The following RNF123 variants were observed in gnomAD, a reference collection of about 807,000 sequenced individuals.
The protein encoded by RNF123 is E3 ubiquitin-protein ligase RNF123.
RNF123 carries 86 observed loss-of-function variants against 168.5 expected under a neutral mutation model. That is an observed-to-expected ratio of 0.51 (90% CI 0.43 to 0.61). The LOEUF is 0.61. Among genes scored for constraint, RNF123 ranks in the 20% least tolerant of loss-of-function variants. The pLI, the probability that RNF123 is intolerant of heterozygous loss-of-function variation, is 0.00. For synonymous variants in RNF123, 666 were observed against 689.1 expected, an observed-to-expected ratio of 0.97 and a Z score of 0.52; for missense variants, 1,419 against 1,729.7, an observed-to-expected ratio of 0.82 and a Z score of 3.19.
intron 35 of RNF123, chr3:49,719,493 G>A (rs2080339465): frequency 1.3e-6 from 2 of 1,558,580 alleles, no homozygotes; most frequent in Non-Finnish European, 1.7e-6. Flanking sequence ...ACAGTACAGA[G>A]CAGCTCTGTG....
rs34379671 is a variant in RNF123 at position 49,700,227 on chromosome 3, C to T, written c.985C>T (p.Arg329Cys). 3.0e-3 allele frequency: 4,762 copies of T among 1,614,106 alleles called. 76 individuals are homozygous for T. In the African/African-American group the frequency reaches 0.039, roughly 13 times the overall value. ...TCACCAGTGCCTGGCCTTGGTGCAG[C>T]GCAAGGTGTATCTGGTGGAGGCTGT... ...HIFHHFAPLL[R>C]KVYLVEAVLM... The change falls in exon 13 of 39, where the codon CGC (arginine) becomes TGC (cysteine). Residue 329 changes from arginine (R) to cysteine (C), a missense_variant and splice_region_variant. Coordinates refer to ENST00000327697, the MANE Select transcript of RNF123 (RefSeq NM_022064.5).
At position 49,698,819 on chromosome 3, in the gene RNF123, G is replaced by A. The variant is rs1452935094; in HGVS notation, c.635G>A (p.Cys212Tyr). The change falls in exon 9 of 39, where the codon TGC becomes TAC. Residue 212 changes from cysteine (C) to tyrosine (Y), a missense_variant. By Grantham distance (194) the Cys-to-Tyr change is radical (BLOSUM62 -2). Coordinates refer to ENST00000327697, the MANE Select transcript of RNF123 (RefSeq NM_022064.5). The part of the protein sequence containing the change: ...IDLDDGTLSF[C>Y]LNGVSLGTAF... ...CTGGATGATGGCACTCTGTCCTTCT[G>A]CCTGTGAGTTTCCTATCTCTATGCA... 1.2e-6 allele frequency: 2 copies of A among 1,613,944 alleles called. No homozygotes were observed. Among genetic ancestry groups the A allele is most frequent in the East Asian group, 2.2e-5 (1 of 44,882 alleles).
rs1406681155 is a variant in RNF123 at position 49,706,807 on chromosome 3, C to T, written c.2405C>T (p.Ala802Val). The change falls in exon 26 of 39, where the codon GCA becomes GTA. Residue 802 changes from alanine to valine, a missense_variant. Around this residue, in one of 5 missense-constraint regions of RNF123, gnomAD observed 538 missense variants for 708.8 expected, o/e 0.76. Transcript: ENST00000327697. ...RCPKRRKDIL[A>V]ELTKSQKVFS... ...GGGTGGCAGAGGAAGGACATCCTTG[C>T]AGAGTTGACCAAGAGCCAGAAGGTT... 3 of 1,614,090 alleles carry T rather than the reference C, an allele frequency of 1.9e-6. No individual in the cohort carries two copies. The highest frequency in any genetic ancestry group is 1.7e-6 in the Non-Finnish European group (2 of 1,180,026).
At chr3:49,702,567 C>T (rs1237860257) in intron 19 of RNF123, 66 bp from the exon 20 acceptor site, 38 of 1,613,054 alleles carry the variant, frequency 2.4e-5, no homozygotes, top group Non-Finnish European at 2.9e-5. Flanking sequence ...CAGGCAGGGC[C>T]TTGGATGAGG....
chr3:49,703,152 G>A (rs1575527723), intron 20 of RNF123, among the ~76,000 whole-genome samples: 1 of 152,214 alleles, frequency 6.6e-6, no homozygotes, highest in African/African-American at 2.4e-5. Flanking sequence ...CTGGGGCTGG[G>A]CCTCTCTGCT....
At chr3:49,689,686 G>C (rs2108167508) in intron 1 of RNF123, 80 bp downstream of exon 1, 1 of 152,502 alleles carries the variant, frequency 6.6e-6, no homozygotes, top group African/African-American at 2.4e-5. Flanking sequence ...CAGTGCGAGG[G>C]CACCTGCAGC....
rs768493319 is a variant in RNF123, at chr3:49,699,778, C to T, written c.984+6C>T. 38 of 1,612,274 alleles carry T rather than the reference C, an allele frequency of 2.4e-5. No homozygotes were observed. Among genetic ancestry groups the T allele is most frequent in the African/African-American group, 4.0e-5 (3 of 74,884 alleles). ...ATCACTTTGCACCGCTTCTGGTGAG[C>T]GGCATTGGGAGGGGCATGGGAGGGG... On this transcript the variant is annotated splice_donor_region_variant and intron_variant, in intron 12 of 38. Coordinates refer to ENST00000327697, the MANE Select transcript of RNF123 (RefSeq NM_022064.5). The surrounding 1 kb of genome is among the most constrained non-coding windows in gnomAD (Gnocchi z 4.8).
intron 35 of RNF123, chr3:49,718,264 T>C (rs760033482): frequency 1.2e-6 from 2 of 1,612,362 alleles, no homozygotes; most frequent in Non-Finnish European, 1.7e-6. Context: ...GGCGAACAGG[T>C]AGAGCAGCAC....
rs191296119 is a variant in RNF123, at chr3:49,716,402, G to C, written c.3425G>C (p.Ser1142Thr). The change falls in exon 35 of 39, where the codon AGC (serine) becomes ACC (threonine). Residue 1142 changes from serine (S) to threonine (T), a missense_variant. Physicochemically the swap from Ser to Thr is moderately conservative, Grantham distance 58. Coordinates refer to ENST00000327697, the MANE Select transcript of RNF123 (RefSeq NM_022064.5). Reference protein sequence around the residue: ...VVTLRLPGLESVDHYPILVAV... With the variant: ...VVTLRLPGLETVDHYPILVAV... Reference sequence around the variant, plus strand: ...CTCCCCTTCCCCTCAGGCCTAGAGAGCGTGGACCACTATCCCATTCTGGTG... The same window carrying C: ...CTCCCCTTCCCCTCAGGCCTAGAGACCGTGGACCACTATCCCATTCTGGTG... 3.7e-6 allele frequency: 6 copies of C among 1,614,042 alleles called. No homozygotes were observed. The Admixed American group carries it at 6.7e-5, about 18-fold the overall frequency.
At position 49,712,416 on chromosome 3, in the gene RNF123, C is replaced by T. The variant is rs1181011915; in HGVS notation, c.2497-63C>T. On this transcript the variant is annotated intron_variant, in intron 26 of 38. Transcript: ENST00000327697. ...GGGAGGCCTTTCCTGATCCCCAGGC[C>T]AGGACATGCCCCCAAGACCCCACTG... 9.6e-6 allele frequency: 15 copies of T among 1,560,168 alleles called. No individual in the cohort carries two copies. The East Asian group carries it at 1.8e-4, about 19-fold the overall frequency.
intron 26 of RNF123, 41 bp downstream of exon 26, chr3:49,706,939 C>G: frequency 1.9e-6 from 3 of 1,561,426 alleles, no homozygotes; most frequent in Non-Finnish European, 2.6e-6. Context: ...ACCTCACTGT[C>G]TGGCCACGGG....
chr3:49,708,717 A>G (rs1468399952), intron 26 of RNF123, among the ~76,000 whole-genome samples: 1 of 152,246 alleles, frequency 6.6e-6, no homozygotes, highest in Non-Finnish European at 1.5e-5. Context: ...GTGTTATAGC[A>G]TGTGTCAGAA....
At chr3:49,715,793 C>T in intron 32 of RNF123, 29 bp from the exon 33 acceptor site, 2 of 1,613,748 alleles carry the variant, frequency 1.2e-6, no homozygotes, top group Non-Finnish European at 1.7e-6. Context: ...AGGTGCTGAC[C>T]ACTGCATGCC....
At chr3:49,719,567 C>T in intron 35 of RNF123, 1 of 1,067,982 alleles carries the variant, frequency 9.4e-7, no homozygotes, top group South Asian at 1.6e-5. Flanking sequence ...ACCGGATGGC[C>T]CTTGCCGAGG....
At chr3:49,702,903 G>T in intron 20 of RNF123, 150 bp downstream of exon 20, 3 of 1,227,460 alleles carry the variant, frequency 2.4e-6, no homozygotes, top group East Asian at 4.7e-5. Context: ...CCCAGCCACA[G>T]GCGGCTTCTC....
Position 49,699,101 on chromosome 3 carries a change from C to T in RNF123, c.760C>T (p.Leu254=). Residue 254 remains leucine (L), a synonymous_variant, in exon 10 of 39, where the codon CTG becomes TTG. Transcript: ENST00000327697. The surrounding 1 kb of genome is among the most constrained non-coding windows in gnomAD (Gnocchi z 4.8). Reference sequence around the variant, plus strand: ...GGCCTTCAACTTTGGCAGCCGTCCTCTGCGATATCATTTTGTGAAGATGGC... The same window carrying T: ...GGCCTTCAACTTTGGCAGCCGTCCTTTGCGATATCATTTTGTGAAGATGGC... ...SVAFNFGSRP[L]RYPVAGYRPL... The T allele has an allele frequency of 6.2e-7, 1 of 1,613,210 alleles. No individual in the cohort carries two copies. Among genetic ancestry groups the T allele is most frequent in the African/African-American group, 1.3e-5 (1 of 75,040 alleles).
At position 49,706,658 on chromosome 3, in the gene RNF123, G is replaced by T. The variant is rs2108190934; in HGVS notation, c.2389-133G>T. On this transcript the variant is annotated intron_variant, in intron 25 of 38. Coordinates refer to ENST00000327697, the MANE Select transcript of RNF123 (RefSeq NM_022064.5). The stretch of plus-strand genomic sequence containing the variant: ...ACCAGAGGGTCAGTGGCAGAAGAAG[G>T]TTTTGAAAAATGGAGCCCAATCCCT... 5.4e-6 allele frequency: 4 copies of T among 736,714 alleles called. 1 individual carries two copies. The highest frequency in any genetic ancestry group is 5.1e-5 in the South Asian group (3 of 58,264). 45.6% of individuals were successfully genotyped at this position (736,714 alleles called of 1,614,324 possible). A position where few individuals can be genotyped will look rare whatever the true frequency, so the allele number is the denominator to read the frequency against.
In RNF123 at chr3:49,699,605, C is replaced by A; in HGVS notation, c.879+23C>A. ...GTGGTGAGCTGGGGTCTGGGCCAGGCGGGGTGGGGGGCTTCCACAGCCTCC... is the reference window on the plus strand; with the variant it reads ...GTGGTGAGCTGGGGTCTGGGCCAGGAGGGGTGGGGGGCTTCCACAGCCTCC... On this transcript the variant is annotated intron_variant, in intron 11 of 38. Coordinates refer to ENST00000327697, the MANE Select transcript of RNF123 (RefSeq NM_022064.5). This position sits in a 1 kb window ranked among gnomAD's most constrained non-coding sequence, Gnocchi z 4.8. The A allele has an allele frequency of 1.9e-6, 3 of 1,612,196 alleles. No individual in the cohort carries two copies. The highest frequency in any genetic ancestry group is 1.7e-6 in the Non-Finnish European group (2 of 1,178,744).
rs150377616 is a variant in RNF123, at chr3:49,712,632, G to A, written c.2650G>A (p.Val884Met). 8.7e-6 allele frequency: 14 copies of A among 1,614,058 alleles called. No homozygotes were observed. The highest frequency in any genetic ancestry group is 3.3e-5 in the South Asian group (3 of 91,088). ...YSALKNYFGP[V>M]HSMEELPGYE... ...TGCTCTCAAGAATTACTTTGGTCCC[G>A]TGCACAGCATGGAGGAGCTCCCAGG... is the stretch of plus-strand genomic sequence containing the variant. Residue 884 changes from valine to methionine, a missense_variant, in exon 27 of 39, where the codon GTG becomes ATG. Val to Met is a conservative substitution (Grantham distance 21). This residue lies in a region of RNF123 where 538 missense variants were observed against 708.8 expected (regional missense o/e 0.76). Coordinates refer to ENST00000327697, the MANE Select transcript of RNF123 (RefSeq NM_022064.5).
Sources: gnomAD v4.1 joint callset for allele counts (sites outside exome capture counted in the v4.1 genomes callset) on GRCh38, gnomAD v4.1.1 for gene constraint, gnomAD v4.1.1 regional missense constraint, Gnocchi (gnomAD v3.1) non-coding constraint, MANE v1.5 for transcripts, NCBI Gene and HGNC (gene_info 2026-07-23, HGNC 2026-07-21) for gene names.